CFH: variants seen among roughly 807,000 people sequenced by gnomAD.
CFH encodes H factor 1 (complement).
In CFH, 53 loss-of-function variants were observed where a neutral mutation model predicts 147.3. The observed-to-expected ratio is 0.36, with a 90% CI of 0.29 to 0.45. The LOEUF is 0.45. CFH is among the 20% of genes least tolerant of loss of function. The pLI, the probability that CFH is intolerant of heterozygous loss-of-function variation, is 1.00. For synonymous variants in CFH, 536 were observed against 489.4 expected (o/e 1.10, Z -1.26); for missense variants, 1,380 against 1,498.0 (o/e 0.92, Z 1.30).
chr1:196,681,531 C>A (rs1667657950), intron 6 of CFH, among the ~76,000 whole-genome samples: 1 of 151,096 alleles, frequency 6.6e-6, no homozygotes, highest in Admixed American at 6.6e-5. Context: ...AAACATTTTT[C>A]TTTTATAATT....
chr1:196,738,107 C>T (rs1159828150), intron 17 of CFH, among the ~76,000 whole-genome samples: 1 of 152,156 alleles, frequency 6.6e-6, no homozygotes, highest in Admixed American at 6.5e-5. Flanking sequence ...CATTAGATCT[C>T]ATGAAAACAC....
intron 3 of CFH, 24 bp downstream of exon 3, chr1:196,673,986 GT>G (rs1185734856): frequency 2.7e-6 from 4 of 1,477,192 alleles, no homozygotes; most frequent in Middle Eastern, 1.7e-4. Context: ...ACGAAAAGAG[GT>G]TTATAATTAA....
chr1:196,665,160 T>C (rs1008661345), intron 1 of CFH, among the ~76,000 whole-genome samples: 3 of 151,668 alleles, frequency 2.0e-5, no homozygotes, highest in Non-Finnish European at 4.4e-5. Context: ...TTAGATAGTG[T>C]TTAGTGCTTT....
At chr1:196,707,797 T>G (rs1668627580) in intron 9 of CFH, among the ~76,000 whole-genome samples, 1 of 152,180 alleles carries the variant, frequency 6.6e-6, no homozygotes, top group African/African-American at 2.4e-5. Context: ...AACATATGTC[T>G]TCTTGACAAC....
In CFH at chr1:196,726,840, A is replaced by G; in HGVS notation, c.2136A>G (p.Gly712=). Residue 712 remains glycine, a synonymous_variant, in exon 14 of 22, where the codon GGA becomes GGG. Coordinates refer to ENST00000367429, the MANE Select transcript of CFH (RefSeq NM_000186.4). ...TTTCTTCCCCTCCTTATTACTATGG[A>G]GATTCAGTGGAATTCAATTGCTCAG... ...AQLSSPPYYY[G]DSVEFNCSES... 6.2e-7 allele frequency: 1 copy of G among 1,613,756 alleles called. No individual in the cohort carries two copies. Among genetic ancestry groups the G allele is most frequent in the Non-Finnish European group, 8.5e-7 (1 of 1,179,764 alleles).
At chr1:196,653,618 G>A (rs1416626547) in intron 1 of CFH, among the ~76,000 whole-genome samples, 1 of 151,860 alleles carries the variant, frequency 6.6e-6, no homozygotes, top group Non-Finnish European at 1.5e-5. Flanking sequence ...AACAGTTTAA[G>A]TTATTAAAAA....
chr1:196,666,105 C>T (rs1265391742), intron 1 of CFH, among the ~76,000 whole-genome samples: 1 of 152,130 alleles, frequency 6.6e-6, no homozygotes, highest in Non-Finnish European at 1.5e-5. Flanking sequence ...ATCTTAACCC[C>T]CACCAGGATA....
intron 1 of CFH, among the ~76,000 whole-genome samples, chr1:196,654,594 G>A (rs1572991425): frequency 6.6e-6 from 1 of 152,198 alleles, no homozygotes; most frequent in Admixed American, 6.5e-5. Context: ...TTATGACCAA[G>A]CAGATTTTTT....
At chr1:196,703,648 T>C (rs1668515523) in intron 9 of CFH, among the ~76,000 whole-genome samples, 2 of 152,062 alleles carry the variant, frequency 1.3e-5, no homozygotes. Context: ...GATGAGATCA[T>C]TCCTCCAAAT....
chr1:196,660,810 T>C (rs1256693255), intron 1 of CFH, among the ~76,000 whole-genome samples: 1 of 152,202 alleles, frequency 6.6e-6, no homozygotes, highest in East Asian at 1.9e-4. Context: ...CCTTGTTTTC[T>C]ACATCTGGTT....
In CFH at chr1:196,747,456, A is replaced by G. The variant is rs534463925; in HGVS notation, c.*143A>G. ...TGTGAAAATGTAATTATAAGCTGAG[A>G]CCGGTGGCTCTCTTCTTAAAAGCAC... On this transcript the variant is annotated 3_prime_UTR_variant, in exon 22 of 22. Transcript: ENST00000367429. 2 of 923,446 alleles carry G rather than the reference A, an allele frequency of 2.2e-6. No individual in the cohort carries two copies. The highest frequency in any genetic ancestry group is 3.4e-6 in the Non-Finnish European group (2 of 588,104). The allele number at this position is 923,446 out of a possible 1,614,324, so 57.2% of individuals were successfully genotyped here.
chr1:196,697,136 C>A (rs12566629), intron 9 of CFH, among the ~76,000 whole-genome samples: 2 of 152,090 alleles, frequency 1.3e-5, no homozygotes, highest in Non-Finnish European at 2.9e-5. Flanking sequence ...AATGGCAACA[C>A]AAGCCAAAAC....
chr1:196,685,960 C>A (rs1283469666), intron 7 of CFH, among the ~76,000 whole-genome samples: 4 of 152,056 alleles, frequency 2.6e-5, no homozygotes, highest in African/African-American at 9.7e-5. Flanking sequence ...ACAGCCTGTA[C>A]AGGAAGCATG....
chr1:196,747,006 G>A, intron 21 of CFH, 105 bp from the exon 22 acceptor site: 2 of 1,558,686 alleles, frequency 1.3e-6, no homozygotes, highest in South Asian at 2.3e-5. Flanking sequence ...AGTGTTTTGA[G>A]AAATAATTCC....
chr1:196,667,303 G>A (rs1183363567), intron 1 of CFH, among the ~76,000 whole-genome samples: 1 of 152,144 alleles, frequency 6.6e-6, no homozygotes, highest in Non-Finnish European at 1.5e-5. Context: ...CGTGTCATCA[G>A]GAGACATTGT....
chr1:196,691,819 C>CA (rs1412308564), intron 9 of CFH, among the ~76,000 whole-genome samples: 2 of 151,822 alleles, frequency 1.3e-5, no homozygotes, highest in Non-Finnish European at 2.9e-5. Flanking sequence ...AGGAATACTT[C>CA]AAAAACATAG....
At chr1:196,745,500 T>C (rs1652969423) in intron 20 of CFH, among the ~76,000 whole-genome samples, 1 of 152,218 alleles carries the variant, frequency 6.6e-6, no homozygotes, top group Non-Finnish European at 1.5e-5. Context: ...ATTTTTCGAA[T>C]ATGAAATAAG....
intron 1 of CFH, among the ~76,000 whole-genome samples, chr1:196,671,391 A>C (rs1405115454): frequency 6.6e-6 from 1 of 152,018 alleles, no homozygotes; most frequent in African/African-American, 2.4e-5. Context: ...TGTAATGACA[A>C]AAGTTTATAT....
At position 196,679,564 on chromosome 1, in the gene CFH, C is replaced by G; in HGVS notation, c.620-59C>G. On this transcript the variant is annotated intron_variant, in intron 5 of 21. Coordinates refer to ENST00000367429, the MANE Select transcript of CFH (RefSeq NM_000186.4). ...CATTTCTGTTTTCATATAATTATGT[C>G]CTGGTCACAGTCCTTTAATTTGCAA... 3 of 1,268,220 alleles carry G rather than the reference C, an allele frequency of 2.4e-6. No homozygotes were observed. The South Asian group carries it at 3.7e-5, about 16-fold the overall frequency. The allele number at this position is 1,268,220 out of a possible 1,614,324, so 78.6% of individuals were successfully genotyped here. A position where few individuals can be genotyped will look rare whatever the true frequency, so the allele number is the denominator to read the frequency against.
Sources: allele counts gnomAD v4.1 joint callset (sites outside exome capture counted in the v4.1 genomes callset), GRCh38; gene constraint gnomAD v4.1.1; transcripts MANE v1.5; gene names NCBI Gene and HGNC (gene_info 2026-07-23, HGNC 2026-07-21).